LRRN2: variants seen among roughly 807,000 people sequenced by gnomAD.
LRRN2 encodes the protein leucine rich repeat neuronal 2, also known as leucine-rich repeat neuronal protein 2.
Under a neutral mutation model 35.7 loss-of-function variants are expected in LRRN2, and 10 were observed. The ratio of observed to expected loss-of-function variants is 0.28; its 90% CI spans 0.17 to 0.47. The LOEUF is 0.47. LRRN2 is among the 20% of genes least tolerant of loss of function. The probability of loss-of-function intolerance (pLI) is 0.99; values close to 1 mark genes in which losing one functional copy is unlikely to be tolerated. For missense variants in LRRN2, 731 were observed against 940.3 expected, an observed-to-expected ratio of 0.78 and a Z score of 2.91; for synonymous variants, 391 against 409.6, an observed-to-expected ratio of 0.95 and a Z score of 0.55.
At chr1:204,651,057 TA>T in intron 1 of LRRN2, among the ~76,000 whole-genome samples, 1 of 152,294 alleles carries the variant, frequency 6.6e-6, no homozygotes. Flanking sequence ...CATGAGTCAT[TA>T]AAGCAGCTTT....
Position 204,618,649 on chromosome 1 carries a change from C to T in LRRN2, c.1344G>A (p.Leu448=), listed in dbSNP as rs1329929135. 7.5e-6 allele frequency: 12 copies of T among 1,608,810 alleles called. No individual in the cohort carries two copies. Among genetic ancestry groups the T allele is most frequent in the Admixed American group, 3.3e-5 (2 of 59,784 alleles). Residue 448 remains leucine, a synonymous_variant, in exon 2 of 2, where the codon CTG becomes CTA. Coordinates refer to ENST00000367177, the MANE Select transcript of LRRN2 (RefSeq NM_201630.2). ...GESMVLHCRA[L]AEPEPEIYWV... ...AGTAGATCTCGGGTTCGGGTTCGGC[C>T]AGTGCCCGGCAATGCAGCACCATGC...
chr1:204,637,986 G>A (rs1012564989), intron 1 of LRRN2, among the ~76,000 whole-genome samples: 10 of 152,192 alleles, frequency 6.6e-5, no homozygotes, highest in Non-Finnish European at 1.3e-4. Context: ...GAGGACAGAG[G>A]AGAATGTACT....
intron 1 of LRRN2, chr1:204,664,000 G>A (rs12567245): frequency 0.37 from 55,738 of 152,040 alleles, 11,673 homozygotes; most frequent in Admixed American, 0.45. Context: ...TCCCCCAGAC[G>A]GCAAAGCCAG....
intron 1 of LRRN2, among the ~76,000 whole-genome samples, chr1:204,681,378 T>C (rs1433476846): frequency 3.9e-5 from 6 of 152,242 alleles, no homozygotes; most frequent in South Asian, 4.1e-4. Flanking sequence ...ACTATATATA[T>C]ACCAGATACT....
chr1:204,669,649 T>C (rs1300590904), intron 1 of LRRN2, among the ~76,000 whole-genome samples: 1 of 152,112 alleles, frequency 6.6e-6, no homozygotes, highest in Non-Finnish European at 1.5e-5. Flanking sequence ...GGATAGCTAG[T>C]ATTTAGGGAG....
Position 204,626,955 on chromosome 1 carries a change from C to CT in LRRN2, c.-226-6738dup, listed in dbSNP as rs58658515. The CT allele has an allele frequency of 3.3e-3, 488 of 146,870 alleles. 3 individuals carry two copies. The highest frequency in any genetic ancestry group is 5.2e-3 in the South Asian group (24 of 4,626). 9.1% of individuals were successfully genotyped at this position (146,870 alleles called of 1,614,324 possible). On this transcript the variant is annotated intron_variant, in intron 1 of 1. Transcript: ENST00000367177. Reference sequence around the variant, plus strand: ...ACAAGGCTTTTTCTTTTTTCTTTTTCTTTTTTTTTTTGCCTAGGGCTGTAG... The same window carrying CT: ...ACAAGGCTTTTTCTTTTTTCTTTTTCTTTTTTTTTTTTGCCTAGGGCTGTAG...
chr1:204,661,136 A>G (rs945378783), intron 1 of LRRN2, among the ~76,000 whole-genome samples: 3 of 152,212 alleles, frequency 2.0e-5, no homozygotes, highest in Admixed American at 1.3e-4. Flanking sequence ...GAAGAGGGTA[A>G]GGTACATGGG....
At chr1:204,630,810 C>A (rs1462980423) in intron 1 of LRRN2, among the ~76,000 whole-genome samples, 1 of 152,104 alleles carries the variant, frequency 6.6e-6, no homozygotes, top group Non-Finnish European at 1.5e-5. Context: ...TCAGAGGCTG[C>A]TTCCTGCCTT....
rs555959375 is a variant in LRRN2 at position 204,658,488 on chromosome 1, C to G, written c.-227+26832G>C. Among the ~76,000 whole-genome samples, 9 of 152,348 alleles carry G rather than the reference C, an allele frequency of 5.9e-5. No homozygotes were observed. In the South Asian group the frequency reaches 1.5e-3, roughly 25 times the overall value. ...TCTCTACTCATACTTGTACCCATATCCCCAAGTCAGCACTTTTTGGGTTCA... is the reference window on the plus strand; with the variant it reads ...TCTCTACTCATACTTGTACCCATATGCCCAAGTCAGCACTTTTTGGGTTCA... On this transcript the variant is annotated intron_variant, in intron 1 of 1. Coordinates refer to ENST00000367177, the MANE Select transcript of LRRN2 (RefSeq NM_201630.2).
intron 1 of LRRN2, chr1:204,629,085 C>G (rs1376761009): frequency 6.6e-6 from 1 of 152,302 alleles, no homozygotes; most frequent in Non-Finnish European, 1.5e-5. Flanking sequence ...CTCTAGCAGT[C>G]TGGGCCCCAG....
At chr1:204,661,058 G>T (rs1668461778) in intron 1 of LRRN2, among the ~76,000 whole-genome samples, 1 of 152,196 alleles carries the variant, frequency 6.6e-6, no homozygotes, top group Non-Finnish European at 1.5e-5. Flanking sequence ...ATGAGAGGGA[G>T]TTAGGGCTAG....
chr1:204,681,989 C>G (rs967164018), intron 1 of LRRN2, among the ~76,000 whole-genome samples: 1 of 152,206 alleles, frequency 6.6e-6, no homozygotes, highest in African/African-American at 2.4e-5. Flanking sequence ...CTGCCCCATT[C>G]AAGCCTCCAA....
rs115242471 is a variant in LRRN2, at chr1:204,618,817, C to T, written c.1176G>A (p.Pro392=). 6.9e-4 allele frequency: 1,121 copies of T among 1,614,060 alleles called. 5 individuals carry two copies. Among genetic ancestry groups the T allele is most frequent in the East Asian group, 6.2e-3 (278 of 44,872 alleles). The change falls in exon 2 of 2, where the codon CCG becomes CCA. Residue 392 remains proline (P), a synonymous_variant. Transcript: ENST00000367177. ...GAGGCTCCGCACACAGGGTGGATTGCGGCTCGATGAAGCGGACACGGGTGC... is the reference window on the plus strand; with the variant it reads ...GAGGCTCCGCACACAGGGTGGATTGTGGCTCGATGAAGCGGACACGGGTGC... The part of the protein sequence containing the change: ...ATGTRVRFIE[P]QSTLCAEPPD...
intron 1 of LRRN2, chr1:204,629,766 G>T (rs148139558): frequency 0.013 from 2,052 of 156,160 alleles, 19 homozygotes; most frequent in Non-Finnish European, 0.019. Context: ...ATGCACCATG[G>T]AATACTACAC....
At chr1:204,679,642 T>C (rs902025770) in intron 1 of LRRN2, among the ~76,000 whole-genome samples, 3 of 152,236 alleles carry the variant, frequency 2.0e-5, no homozygotes, top group Admixed American at 1.3e-4. Flanking sequence ...GCTATCCCAC[T>C]GACAGCACAA....
intron 1 of LRRN2, among the ~76,000 whole-genome samples, chr1:204,684,498 G>A (rs1374420791): frequency 6.6e-6 from 1 of 152,144 alleles, no homozygotes; most frequent in Non-Finnish European, 1.5e-5. Context: ...TAGCTTCTCC[G>A]CTCGGCCCCA....
At chr1:204,627,496 C>T (rs902401923) in intron 1 of LRRN2, 1 of 152,254 alleles carries the variant, frequency 6.6e-6, no homozygotes, top group Non-Finnish European at 1.5e-5. Context: ...GCAGGAATCT[C>T]TGTCTTCCCA....
intron 1 of LRRN2, among the ~76,000 whole-genome samples, chr1:204,623,875 G>A (rs538551073): frequency 3.3e-5 from 5 of 152,292 alleles, no homozygotes; most frequent in East Asian, 1.9e-4. Context: ...TAGAGAACAC[G>A]CATTGCATTT....
At chr1:204,663,466 C>T (rs373066583) in intron 1 of LRRN2, among the ~76,000 whole-genome samples, 95 of 152,260 alleles carry the variant, frequency 6.2e-4, no homozygotes, top group African/African-American at 2.3e-3. Flanking sequence ...TAGTGGCAGC[C>T]ATCACAGGCT....
Sources: allele counts gnomAD v4.1 joint callset (sites outside exome capture counted in the v4.1 genomes callset), GRCh38; gene constraint gnomAD v4.1.1; transcripts MANE v1.5; gene names NCBI Gene and HGNC (gene_info 2026-07-23, HGNC 2026-07-21).